Variants in CACNA1C observed in about 807,000 individuals in gnomAD.
CACNA1C encodes voltage-dependent L-type calcium channel subunit alpha-1C.
Under a neutral mutation model 229.0 loss-of-function variants are expected in CACNA1C, and 30 were observed. The observed-to-expected ratio is 0.13, with a 90% CI of 0.10 to 0.18. The LOEUF is 0.18. Ranked by LOEUF, CACNA1C falls within the 10% of genes least tolerant of loss-of-function variation. The pLI is 1.00. For missense variants in CACNA1C, 1,658 were observed against 2,845.0 expected, an observed-to-expected ratio of 0.58 and a Z score of 9.49; for synonymous variants, 1,114 against 1,132.5, an observed-to-expected ratio of 0.98 and a Z score of 0.33.
At chr12:2,491,318 T>G (rs1263813893) in intron 6 of CACNA1C, among the ~76,000 whole-genome samples, 1 of 152,144 alleles carries the variant, frequency 6.6e-6, no homozygotes, top group African/African-American at 2.4e-5. Context: ...CATGACTATA[T>G]AAACTTACTA....
chr12:2,422,793 G>C (rs2098991563), intron 3 of CACNA1C, among the ~76,000 whole-genome samples: 1 of 152,120 alleles, frequency 6.6e-6, no homozygotes, highest in Non-Finnish European at 1.5e-5. Flanking sequence ...TTGTGGCTCA[G>C]CAAGCAAAGC....
At chr12:1,998,102 G>T in intron 1 of CACNA1C, 1 of 702,144 alleles carries the variant, frequency 1.4e-6, no homozygotes, top group Non-Finnish European at 2.3e-6. Flanking sequence ...AACATGAGGA[G>T]TTATTCTCAG....
intron 3 of CACNA1C, among the ~76,000 whole-genome samples, chr12:2,230,354 G>C (rs983725445): frequency 6.6e-6 from 1 of 152,194 alleles, no homozygotes; most frequent in African/African-American, 2.4e-5. Flanking sequence ...TGGCGCGCAA[G>C]GTGCCTTGTG....
At chr12:2,675,244 A>C (rs1443784746) in intron 39 of CACNA1C, among the ~76,000 whole-genome samples, 1 of 152,228 alleles carries the variant, frequency 6.6e-6, no homozygotes, top group Non-Finnish European at 1.5e-5. Flanking sequence ...CTAACATAAA[A>C]TCTATTAAAA....
At chr12:2,574,230 C>T (rs776652602) in intron 13 of CACNA1C, among the ~76,000 whole-genome samples, 4 of 152,280 alleles carry the variant, frequency 2.6e-5, no homozygotes, top group African/African-American at 4.8e-5. Context: ...TGCCCCAGTA[C>T]GGTGGGCCTT....
chr12:2,450,572 A>AAC (rs1209739886), intron 4 of CACNA1C, among the ~76,000 whole-genome samples: 3 of 150,484 alleles, frequency 2.0e-5, no homozygotes, highest in Non-Finnish European at 4.4e-5. Flanking sequence ...AAAAAAAAAA[A>AAC]AAAAAACGCA....
intron 3 of CACNA1C, among the ~76,000 whole-genome samples, chr12:2,300,628 AAATAAT>A (rs978348696): frequency 2.6e-5 from 4 of 152,294 alleles, no homozygotes; most frequent in Non-Finnish European, 4.4e-5. Context: ...TTCTCTAAAA[AAATAAT>A]AATAATACAT....
chr12:2,597,634 C>T lies in CACNA1C; in HGVS notation c.2853+345C>T. 4.2e-6 allele frequency: 3 copies of T among 711,964 alleles called. No individual in the cohort carries two copies. The highest frequency in any genetic ancestry group is 7.4e-6 in the Non-Finnish European group (3 of 405,960). 44.1% of individuals were successfully genotyped at this position (711,964 alleles called of 1,614,324 possible). A position where few individuals can be genotyped will look rare whatever the true frequency, so the allele number is the denominator to read the frequency against. ...AAGCCTGAAATTGGAAAAATGAGTGCCCCTCACTTTGTGTGATGCACTTTG... is the reference window on the plus strand; with the variant it reads ...AAGCCTGAAATTGGAAAAATGAGTGTCCCTCACTTTGTGTGATGCACTTTG... On this transcript the variant is annotated intron_variant, in intron 21 of 46. Transcript: ENST00000399655. This position sits in a 1 kb window ranked among gnomAD's most constrained non-coding sequence, Gnocchi z 4.3.
At chr12:2,028,050 C>A (rs2047620644) in intron 1 of CACNA1C, among the ~76,000 whole-genome samples, 1 of 152,220 alleles carries the variant, frequency 6.6e-6, no homozygotes, top group Admixed American at 6.5e-5. Flanking sequence ...ACAAAGCCAT[C>A]AATCCAAACA....
At chr12:2,097,362 A>C (rs10848613) in intron 1 of CACNA1C, among the ~76,000 whole-genome samples, 1 of 151,654 alleles carries the variant, frequency 6.6e-6, no homozygotes, top group Non-Finnish European at 1.5e-5. Context: ...TAGCCAGGAT[A>C]GTCTCGATCT....
At chr12:2,016,765 C>A (rs1160956138) in intron 1 of CACNA1C, among the ~76,000 whole-genome samples, 1 of 152,182 alleles carries the variant, frequency 6.6e-6, no homozygotes. Flanking sequence ...CCTGATCTAC[C>A]AGGCAATCTG....
chr12:2,014,123 T>C (rs2044907821), intron 1 of CACNA1C, among the ~76,000 whole-genome samples: 1 of 152,204 alleles, frequency 6.6e-6, no homozygotes, highest in Non-Finnish European at 1.5e-5. Flanking sequence ...GCCAGGCCCG[T>C]GTTATTAACA....
chr12:2,163,087 A>G (rs1054454709), intron 3 of CACNA1C, among the ~76,000 whole-genome samples: 1 of 151,696 alleles, frequency 6.6e-6, no homozygotes, highest in South Asian at 2.1e-4. Flanking sequence ...AATTCCAGCT[A>G]CTTGGGAGGC....
At chr12:2,174,720 A>G (rs182977296) in intron 3 of CACNA1C, among the ~76,000 whole-genome samples, 2 of 152,360 alleles carry the variant, frequency 1.3e-5, no homozygotes, top group East Asian at 1.9e-4. Context: ...ACTACTAACA[A>G]TCTACTGTTT....
rs144461152 is a variant in CACNA1C, at chr12:2,354,683, G to T, written c.478-94293G>T. Among the ~76,000 whole-genome samples, 10 of 152,256 alleles carry T rather than the reference G, an allele frequency of 6.6e-5. No homozygotes were observed. Among genetic ancestry groups the T allele is most frequent in the African/African-American group, 2.2e-4 (9 of 41,542 alleles). On this transcript the variant is annotated intron_variant, in intron 3 of 46. Coordinates refer to ENST00000399655, the MANE Select transcript of CACNA1C (RefSeq NM_000719.7). The surrounding 1 kb of genome is among the most constrained non-coding windows in gnomAD (Gnocchi z 4.6). ...CCCAGACACTCCTGACCACAGACTGGCTTGTAATTTGGCTTTTCTGAGCAT... is the reference window on the plus strand; with the variant it reads ...CCCAGACACTCCTGACCACAGACTGTCTTGTAATTTGGCTTTTCTGAGCAT...
At chr12:2,581,057 G>A (rs2060295631) in intron 13 of CACNA1C, among the ~76,000 whole-genome samples, 1 of 152,218 alleles carries the variant, frequency 6.6e-6, no homozygotes, top group South Asian at 2.1e-4. Flanking sequence ...TCTGCTAGAA[G>A]GCTGCTGCCT....
At chr12:2,588,946 G>A (rs1361841283) in intron 18 of CACNA1C, among the ~76,000 whole-genome samples, 2 of 152,174 alleles carry the variant, frequency 1.3e-5, no homozygotes, top group Admixed American at 6.5e-5. Context: ...GCTGCAGAGG[G>A]TTCAAGGACA....
In CACNA1C at chr12:2,682,552, G is replaced by A; in HGVS notation, c.5447G>A (p.Cys1816Tyr). ...TTTCTTCATCTTGGATATTGTAGGT[G>A]CCACTCCCGGGAGAGCCAGGCAGCC... ...EVAWKLSSNR[C>Y]HSRESQAAMA... The change falls in exon 43 of 47, where the codon TGC (cysteine) becomes TAC (tyrosine). Residue 1816 changes from cysteine (C) to tyrosine (Y), a missense_variant and splice_region_variant. Physicochemically the swap from Cys to Tyr is radical, Grantham distance 194. Transcript: ENST00000399655. The A allele has an allele frequency of 6.2e-7, 1 of 1,611,694 alleles. No homozygotes were observed. Among genetic ancestry groups the A allele is most frequent in the Non-Finnish European group, 8.5e-7 (1 of 1,179,168 alleles).
intron 1 of CACNA1C, among the ~76,000 whole-genome samples, chr12:2,039,567 C>T (rs1470967446): frequency 6.6e-6 from 1 of 152,088 alleles, no homozygotes; most frequent in East Asian, 1.9e-4. Flanking sequence ...TCGTTCTTGC[C>T]CTTGAGATGT....
Sources: allele counts gnomAD v4.1 joint callset (sites outside exome capture counted in the v4.1 genomes callset), GRCh38; gene constraint gnomAD v4.1.1; non-coding constraint Gnocchi (gnomAD v3.1); transcripts MANE v1.5; gene names NCBI Gene and HGNC (gene_info 2026-07-23, HGNC 2026-07-21).